SNTG1: variants seen among roughly 807,000 people sequenced by gnomAD.
The protein encoded by SNTG1 is gamma-1-syntrophin.
Under a neutral mutation model 74.7 loss-of-function variants are expected in SNTG1, and 39 were observed. The observed-to-expected ratio is 0.52, with a 90% CI of 0.40 to 0.68. SNTG1 has a LOEUF of 0.68. SNTG1 is among the 30% of genes least tolerant of loss of function. SNTG1 has a pLI of 0.00. For synonymous variants in SNTG1, 254 were observed against 217.1 expected (o/e 1.17, Z -1.49); for missense variants, 685 against 609.5 (o/e 1.12, Z -1.30).
intron 2 of SNTG1, among the ~76,000 whole-genome samples, chr8:50,284,797 ATACT>A (rs1256803493): frequency 1.3e-5 from 2 of 152,158 alleles, no homozygotes; most frequent in Non-Finnish European, 2.9e-5. Context: ...AATTACATAT[ATACT>A]TATTTATATC....
intron 1 of SNTG1, among the ~76,000 whole-genome samples, chr8:50,108,840 T>C (rs1442597610): frequency 6.6e-6 from 1 of 152,156 alleles, no homozygotes; most frequent in Non-Finnish European, 1.5e-5. Context: ...AAAACAACTG[T>C]GGTTTACTTT....
intron 18 of SNTG1, among the ~76,000 whole-genome samples, chr8:50,789,275 C>A (rs2095684651): frequency 6.6e-6 from 1 of 151,926 alleles, no homozygotes; most frequent in Non-Finnish European, 1.5e-5. Context: ...TTACAAGACT[C>A]CCGGGTTTTG....
At chr8:50,356,706 G>C (rs564516144) in intron 2 of SNTG1, among the ~76,000 whole-genome samples, 11 of 151,936 alleles carry the variant, frequency 7.2e-5, no homozygotes, top group African/African-American at 1.7e-4. Flanking sequence ...GAGGAAGGAG[G>C]AACCCTCATG....
intron 1 of SNTG1, among the ~76,000 whole-genome samples, chr8:50,046,771 T>A (rs1352164207): frequency 1.3e-5 from 2 of 152,204 alleles, no homozygotes; most frequent in African/African-American, 4.8e-5. Flanking sequence ...AATTTTTGCA[T>A]CTTGTCAAAT....
intron 11 of SNTG1, among the ~76,000 whole-genome samples, chr8:50,551,368 T>G (rs2094425343): frequency 6.6e-6 from 1 of 152,192 alleles, no homozygotes; most frequent in Non-Finnish European, 1.5e-5. Context: ...GTAGGCACTA[T>G]GTAACATCTA....
At chr8:50,545,944 T>A (rs1482860326) in intron 11 of SNTG1, among the ~76,000 whole-genome samples, 1 of 152,090 alleles carries the variant, frequency 6.6e-6, no homozygotes. Context: ...TTATAGTAAA[T>A]ACTTAATTCA....
intron 1 of SNTG1, among the ~76,000 whole-genome samples, chr8:50,146,288 C>T (rs576863713): frequency 1.3e-5 from 2 of 152,034 alleles, no homozygotes; most frequent in East Asian, 3.9e-4. Context: ...GAGGCCGAGG[C>T]GGGTGGATCA....
chr8:50,057,362 A>G (rs1820112843), intron 1 of SNTG1, among the ~76,000 whole-genome samples: 2 of 152,158 alleles, frequency 1.3e-5, no homozygotes, highest in African/African-American at 4.8e-5. Flanking sequence ...ATCGGGAGCA[A>G]TGCCTTGGCT....
At chr8:50,701,331 C>A (rs1345490394) in intron 15 of SNTG1, among the ~76,000 whole-genome samples, 1 of 152,118 alleles carries the variant, frequency 6.6e-6, no homozygotes, top group Non-Finnish European at 1.5e-5. Flanking sequence ...GTGTTCAAGT[C>A]CAAAATTTAT....
intron 13 of SNTG1, among the ~76,000 whole-genome samples, chr8:50,599,968 G>A (rs1271607095): frequency 6.6e-6 from 1 of 152,012 alleles, no homozygotes; most frequent in Non-Finnish European, 1.5e-5. Flanking sequence ...ATTTTATCAT[G>A]TTGAGATATG....
At chr8:50,652,763 C>T (rs2095155720) in intron 13 of SNTG1, among the ~76,000 whole-genome samples, 2 of 151,970 alleles carry the variant, frequency 1.3e-5, no homozygotes, top group South Asian at 2.1e-4. Flanking sequence ...CACCACTGTA[C>T]TCCAGCCTGG....
chr8:50,133,967 G>T (rs979970970), intron 1 of SNTG1, among the ~76,000 whole-genome samples: 1 of 152,210 alleles, frequency 6.6e-6, no homozygotes, highest in Non-Finnish European at 1.5e-5. Flanking sequence ...AGCTAGTCCA[G>T]CCTGGGATGC....
chr8:50,520,553 G>A (rs991066105), intron 9 of SNTG1, among the ~76,000 whole-genome samples: 2 of 151,922 alleles, frequency 1.3e-5, no homozygotes, highest in African/African-American at 4.8e-5. Context: ...CAGAATCTAT[G>A]AGGAATGTAA....
intron 2 of SNTG1, among the ~76,000 whole-genome samples, chr8:50,201,729 T>C (rs1158513634): frequency 6.6e-6 from 1 of 152,156 alleles, no homozygotes; most frequent in Non-Finnish European, 1.5e-5. Context: ...CATAAGTGTG[T>C]ATATTCATTG....
At position 50,587,670 on chromosome 8, in the gene SNTG1, CAA is replaced by C. The variant is rs1164373349; in HGVS notation, c.811-3205_811-3204del. Among the ~76,000 whole-genome samples the C allele has an allele frequency of 2.0e-5, 3 of 148,934 alleles. No individual in the cohort carries two copies. In the East Asian group the frequency reaches 6.0e-4, roughly 30 times the overall value. On this transcript the variant is annotated intron_variant, in intron 12 of 18. Coordinates refer to ENST00000642720, the MANE Select transcript of SNTG1 (RefSeq NM_018967.5). The stretch of plus-strand genomic sequence containing the variant: ...CGAAACCCTGTCTCTACTAAAAATA[CAA>C]AAATTAGCTGGGTGTGGTGGTGCAC...
intron 2 of SNTG1, among the ~76,000 whole-genome samples, chr8:50,201,043 C>G (rs2083969039): frequency 6.6e-6 from 1 of 152,020 alleles, no homozygotes; most frequent in Non-Finnish European, 1.5e-5. Context: ...AAAACTTTCT[C>G]TAACATCATG....
chr8:50,208,902 C>G (rs893074857), intron 2 of SNTG1, among the ~76,000 whole-genome samples: 5 of 152,168 alleles, frequency 3.3e-5, no homozygotes, highest in Admixed American at 1.3e-4. Context: ...GCTTGTCGGA[C>G]AGTGGGTTCA....
chr8:50,739,734 G>A (rs1012992071), intron 17 of SNTG1, among the ~76,000 whole-genome samples: 1 of 151,718 alleles, frequency 6.6e-6, no homozygotes, highest in African/African-American at 2.4e-5. Flanking sequence ...TTTTAAACAG[G>A]GCTATAGTAA....
At chr8:50,381,592 G>GTGTA (rs1217355515) in intron 2 of SNTG1, among the ~76,000 whole-genome samples, 1,048 of 97,998 alleles carry the variant, frequency 0.011, 36 homozygotes, top group African/African-American at 0.025. Flanking sequence ...GTGTGTGTGT[G>GTGTA]TATATATATA....
Sources: gnomAD v4.1 joint callset for allele counts (sites outside exome capture counted in the v4.1 genomes callset) on GRCh38, gnomAD v4.1.1 for gene constraint, MANE v1.5 for transcripts, NCBI Gene and HGNC (gene_info 2026-07-23, HGNC 2026-07-21) for gene names.